Variants in FAM168A observed in about 807,000 individuals in gnomAD.
The protein encoded by FAM168A is family with sequence similarity 168 member A, also known as protein FAM168A.
In FAM168A, 3 loss-of-function variants were observed where a neutral mutation model predicts 28.5. The observed-to-expected ratio is 0.11, with a 90% CI of 0.05 to 0.27. The LOEUF (loss-of-function observed/expected upper bound fraction) is 0.27. Ranked by LOEUF, FAM168A falls within the 10% of genes least tolerant of loss-of-function variation. FAM168A has a pLI of 1.00. For missense variants in FAM168A, 222 were observed against 311.5 expected, an observed-to-expected ratio of 0.71 and a Z score of 2.16; for synonymous variants, 122 against 124.2, an observed-to-expected ratio of 0.98 and a Z score of 0.12.
chr11:73,428,256 C>T (rs1866924706), intron 3 of FAM168A, among the ~76,000 whole-genome samples: 1 of 152,210 alleles, frequency 6.6e-6, no homozygotes, highest in Admixed American at 6.5e-5. Context: ...GACTTGTCCT[C>T]TCCACTTGCA....
chr11:73,592,047 G>A (rs940106118), intron 1 of FAM168A, among the ~76,000 whole-genome samples: 35 of 152,164 alleles, frequency 2.3e-4, no homozygotes, highest in Non-Finnish European at 5.9e-5. Context: ...ATACAAGTTA[G>A]CAGAAATCGT....
chr11:73,495,224 G>A (rs1056057890), intron 1 of FAM168A, among the ~76,000 whole-genome samples: 22 of 152,056 alleles, frequency 1.4e-4, no homozygotes, highest in Non-Finnish European at 2.1e-4. Flanking sequence ...AGCTACTCGG[G>A]AGGCTGAGGC....
rs1866416740 is a variant in FAM168A, at chr11:73,401,810, C to T, written c.*4953G>A. 1.3e-5 allele frequency: 2 copies of T among 152,210 alleles called. No individual in the cohort carries two copies. The highest frequency in any genetic ancestry group is 2.9e-5 in the Non-Finnish European group (2 of 68,038). The allele number at this position is 152,210 out of a possible 1,614,324, so 9.4% of individuals were successfully genotyped here. On this transcript the variant is annotated 3_prime_UTR_variant, in exon 8 of 8. Transcript: ENST00000356467. ...CAGCATGCACCACAGAAGATATCCA[C>T]TGGAGAGACTGAGGGACTGGGACCC...
chr11:73,492,812 T>C (rs1854778860), intron 1 of FAM168A, among the ~76,000 whole-genome samples: 1 of 152,166 alleles, frequency 6.6e-6, no homozygotes, highest in Non-Finnish European at 1.5e-5. Context: ...AAAATCCTGG[T>C]GGCAATGGAA....
At chr11:73,532,553 A>G (rs1364738826) in intron 1 of FAM168A, among the ~76,000 whole-genome samples, 1 of 152,214 alleles carries the variant, frequency 6.6e-6, no homozygotes. Flanking sequence ...ATGCAACTGT[A>G]TATCTTTAGA....
chr11:73,549,035 G>A (rs376152480), intron 1 of FAM168A, among the ~76,000 whole-genome samples: 4 of 152,190 alleles, frequency 2.6e-5, no homozygotes, highest in East Asian at 3.9e-4. Context: ...TCCACCCCCC[G>A]AGTTCAAGCA....
rs533164998 is a variant in FAM168A, at chr11:73,404,736, G to A, written c.*2027C>T. The A allele has an allele frequency of 2.0e-5, 3 of 152,358 alleles. No homozygotes were observed. The highest frequency in any genetic ancestry group is 4.1e-4 in the South Asian group (2 of 4,826). 9.4% of individuals were successfully genotyped at this position (152,358 alleles called of 1,614,324 possible). A position where few individuals can be genotyped will look rare whatever the true frequency, so the allele number is the denominator to read the frequency against. On this transcript the variant is annotated 3_prime_UTR_variant, in exon 8 of 8. Coordinates refer to ENST00000356467, the MANE Select transcript of FAM168A (RefSeq NM_015159.3). ...AGGCTGATGGGCTTTACCCTCCTGG[G>A]AATGGCTAGACAGCTTCTGAGCTCC...
intron 1 of FAM168A, among the ~76,000 whole-genome samples, chr11:73,519,848 G>T (rs375384159): frequency 6.6e-6 from 1 of 151,068 alleles, no homozygotes; most frequent in East Asian, 1.9e-4. Flanking sequence ...TTTTTCAAGA[G>T]ATAGGGTCTC....
At chr11:73,557,807 A>AT (rs1337921508) in intron 1 of FAM168A, among the ~76,000 whole-genome samples, 1 of 152,204 alleles carries the variant, frequency 6.6e-6, no homozygotes, top group African/African-American at 2.4e-5. Flanking sequence ...TGGTACTCGC[A>AT]TAAGGACAGG....
intron 1 of FAM168A, among the ~76,000 whole-genome samples, chr11:73,475,676 T>A (rs1313581809): frequency 6.6e-6 from 1 of 151,846 alleles, no homozygotes; most frequent in Non-Finnish European, 1.5e-5. Context: ...GTATGAAATG[T>A]CTATTCAAGA....
intron 2 of FAM168A, among the ~76,000 whole-genome samples, chr11:73,456,568 G>A (rs373887229): frequency 3.3e-5 from 5 of 152,164 alleles, no homozygotes; most frequent in Non-Finnish European, 7.4e-5. Context: ...ATCCTTACTC[G>A]ATACTTTCTT....
intron 1 of FAM168A, among the ~76,000 whole-genome samples, chr11:73,497,787 G>A (rs1175970761): frequency 6.6e-6 from 1 of 152,052 alleles, no homozygotes; most frequent in African/African-American, 2.4e-5. Flanking sequence ...AGCATTAGGA[G>A]AAATACCTAA....
intron 1 of FAM168A, among the ~76,000 whole-genome samples, chr11:73,534,452 G>A (rs1943551812): frequency 6.6e-6 from 1 of 151,174 alleles, no homozygotes; most frequent in Non-Finnish European, 1.5e-5. Flanking sequence ...ACCCAGGCTG[G>A]AGCGCAATGG....
At chr11:73,484,133 C>T (rs925427690) in intron 1 of FAM168A, among the ~76,000 whole-genome samples, 5 of 152,132 alleles carry the variant, frequency 3.3e-5, no homozygotes, top group African/African-American at 1.2e-4. Context: ...TATCTTATGC[C>T]ACTTCCAGCA....
At position 73,515,218 on chromosome 11, in the gene FAM168A, C is replaced by A. The variant is rs535167501; in HGVS notation, c.-18-46726G>T. ...CAATTAACACATAAGTTCTTATAAA[C>A]CAATGAAACGGCCAGGCACAGTGGC... is the stretch of plus-strand genomic sequence containing the variant. On this transcript the variant is annotated intron_variant, in intron 1 of 7. Coordinates refer to ENST00000356467, the MANE Select transcript of FAM168A (RefSeq NM_015159.3). Among the ~76,000 whole-genome samples the A allele has an allele frequency of 8.7e-4, 132 of 152,174 alleles. 2 individuals carry two copies. The highest frequency in any genetic ancestry group is 3.2e-3 in the African/African-American group (131 of 41,524).
intron 1 of FAM168A, among the ~76,000 whole-genome samples, chr11:73,496,076 T>C (rs1441781652): frequency 6.8e-6 from 1 of 147,952 alleles, no homozygotes; most frequent in Non-Finnish European, 1.5e-5. Context: ...CACACATGCA[T>C]ACACACAACC....
rs1191323880 is a variant in FAM168A, at chr11:73,403,870, G to GC, written c.*2892dup. The GC allele has an allele frequency of 6.6e-6, 1 of 152,190 alleles. No individual in the cohort carries two copies. Among genetic ancestry groups the GC allele is most frequent in the Admixed American group, 6.5e-5 (1 of 15,276 alleles). The allele number at this position is 152,190 out of a possible 1,614,324, so 9.4% of individuals were successfully genotyped here. On this transcript the variant is annotated 3_prime_UTR_variant, in exon 8 of 8. Coordinates refer to ENST00000356467, the MANE Select transcript of FAM168A (RefSeq NM_015159.3). ...TTCAGTGCCTTATTTTCACCTTGGG[G>GC]CCCCCCTTTGCTCTTGAATTACATA... is the stretch of plus-strand genomic sequence containing the variant.
intron 3 of FAM168A, among the ~76,000 whole-genome samples, chr11:73,425,666 C>T (rs1349882791): frequency 3.3e-5 from 5 of 152,192 alleles, no homozygotes; most frequent in East Asian, 3.8e-4. Context: ...ATGCAGCCTC[C>T]GGCTCCTGGG....
intron 1 of FAM168A, among the ~76,000 whole-genome samples, chr11:73,473,754 T>C (rs544818230): frequency 6.6e-6 from 1 of 152,148 alleles, no homozygotes; most frequent in South Asian, 2.1e-4. Context: ...ATGCCTTCCT[T>C]AACCAACTTA....
Sources: allele counts gnomAD v4.1 joint callset (sites outside exome capture counted in the v4.1 genomes callset), GRCh38; gene constraint gnomAD v4.1.1; transcripts MANE v1.5; gene names NCBI Gene and HGNC (gene_info 2026-07-23, HGNC 2026-07-21).